Variants in ANKS1B observed in about 807,000 individuals in gnomAD.
The protein encoded by ANKS1B is ankyrin repeat and sterile alpha motif domain containing 1B.
In ANKS1B, 36 loss-of-function variants were observed where a neutral mutation model predicts 148.3. The ratio of observed to expected loss-of-function variants is 0.24; its 90% CI spans 0.19 to 0.32. ANKS1B has a LOEUF of 0.32. Among genes scored for constraint, ANKS1B ranks in the 10% least tolerant of loss-of-function variants. The pLI is 1.00. For synonymous variants in ANKS1B, 542 were observed against 560.8 expected, an observed-to-expected ratio of 0.97 and a Z score of 0.47; for missense variants, 1,157 against 1,542.6, an observed-to-expected ratio of 0.75 and a Z score of 4.19.
intron 11 of ANKS1B, among the ~76,000 whole-genome samples, chr12:99,403,682 G>A (rs1378929010): frequency 6.2e-5 from 9 of 144,812 alleles, no homozygotes; most frequent in Admixed American, 6.2e-4. Flanking sequence ...CCAACTGAAG[G>A]AACACTTATA....
At chr12:99,382,450 C>T (rs955939530) in intron 12 of ANKS1B, among the ~76,000 whole-genome samples, 2 of 152,024 alleles carry the variant, frequency 1.3e-5, no homozygotes, top group East Asian at 3.9e-4. Context: ...CACGTGTAAT[C>T]CCAGCACTTT....
chr12:99,761,250 C>G (rs553996827), intron 8 of ANKS1B, among the ~76,000 whole-genome samples: 1 of 151,446 alleles, frequency 6.6e-6, no homozygotes, highest in East Asian at 1.9e-4. Context: ...CACACACACA[C>G]ACACAAAAGA....
intron 19 of ANKS1B, among the ~76,000 whole-genome samples, chr12:98,810,696 T>A (rs973326098): frequency 6.6e-6 from 1 of 152,260 alleles, no homozygotes; most frequent in Non-Finnish European, 1.5e-5. Context: ...TTAGGTTGTT[T>A]TGGTTACTCC....
chr12:99,725,874 T>C (rs2058566814), intron 8 of ANKS1B, among the ~76,000 whole-genome samples: 2 of 152,248 alleles, frequency 1.3e-5, no homozygotes, highest in South Asian at 4.1e-4. Flanking sequence ...ACATGGAAAT[T>C]GAACAACCTG....
intron 8 of ANKS1B, among the ~76,000 whole-genome samples, chr12:99,727,033 AT>A: frequency 6.6e-6 from 1 of 152,062 alleles, no homozygotes; most frequent in Non-Finnish European, 1.5e-5. Context: ...AGCCAATATC[AT>A]ATTGAATGGG....
chr12:99,393,386 G>A (rs2094141708), intron 12 of ANKS1B, among the ~76,000 whole-genome samples: 1 of 152,190 alleles, frequency 6.6e-6, no homozygotes, highest in Admixed American at 6.5e-5. Context: ...GGGAGACTTT[G>A]GCAGCCAGGG....
intron 9 of ANKS1B, among the ~76,000 whole-genome samples, chr12:99,654,487 A>C (rs2098440530): frequency 6.6e-6 from 1 of 152,242 alleles, no homozygotes; most frequent in South Asian, 2.1e-4. Context: ...AACTCCTCTA[A>C]GAGTGTATGG....
At chr12:99,310,844 A>G (rs1362396589) in intron 12 of ANKS1B, among the ~76,000 whole-genome samples, 1 of 151,964 alleles carries the variant, frequency 6.6e-6, no homozygotes, top group African/African-American at 2.4e-5. Context: ...ACAAATATAA[A>G]CTCTATAGCC....
chr12:99,015,189 C>T (rs939619005), intron 17 of ANKS1B, among the ~76,000 whole-genome samples: 1 of 152,156 alleles, frequency 6.6e-6, no homozygotes, highest in African/African-American at 2.4e-5. Context: ...GAATATTATG[C>T]AGCCATATAA....
At chr12:99,017,849 G>A (rs967458707) in intron 17 of ANKS1B, among the ~76,000 whole-genome samples, 1 of 152,196 alleles carries the variant, frequency 6.6e-6, no homozygotes, top group Non-Finnish European at 1.5e-5. Flanking sequence ...AACTCGGGAA[G>A]CTGAGTTCAT....
At chr12:99,610,701 A>G (rs1335045607) in intron 9 of ANKS1B, among the ~76,000 whole-genome samples, 2 of 152,012 alleles carry the variant, frequency 1.3e-5, no homozygotes, top group African/African-American at 4.8e-5. Flanking sequence ...TTAAGAAATA[A>G]TTTTCTGAGC....
At chr12:99,904,115 T>A (rs1240270914) in intron 1 of ANKS1B, among the ~76,000 whole-genome samples, 1 of 152,196 alleles carries the variant, frequency 6.6e-6, no homozygotes, top group Non-Finnish European at 1.5e-5. Context: ...GTTGGATTTG[T>A]GTCTCTTATC....
chr12:99,331,283 G>T (rs990558085), intron 12 of ANKS1B, among the ~76,000 whole-genome samples: 2 of 151,786 alleles, frequency 1.3e-5, no homozygotes, highest in African/African-American at 4.8e-5. Flanking sequence ...CTCTAATATG[G>T]GGCTAGATAT....
chr12:98,743,474 T>TATC (rs1434982469), downstream of ANKS1B, among the ~76,000 whole-genome samples: 2 of 152,322 alleles, frequency 1.3e-5, no homozygotes, highest in African/African-American at 2.4e-5. Flanking sequence ...GTTATCAATG[T>TATC]ATCAATTTTC....
At chr12:99,282,461 A>T (rs1433489387) in intron 12 of ANKS1B, among the ~76,000 whole-genome samples, 1 of 152,156 alleles carries the variant, frequency 6.6e-6, no homozygotes, top group Non-Finnish European at 1.5e-5. Context: ...GAGAGATGTG[A>T]CATGTGTTTT....
At chr12:99,094,928 C>T (rs541264604) in intron 15 of ANKS1B, among the ~76,000 whole-genome samples, 3 of 151,706 alleles carry the variant, frequency 2.0e-5, no homozygotes, top group African/African-American at 4.8e-5. Context: ...AAGTTGAGCT[C>T]GACAATCAAA....
rs1603506595 is a variant in ANKS1B at position 99,962,694 on chromosome 12, A to T, written c.134+21410T>A. 2.0e-5 allele frequency among the ~76,000 whole-genome samples: 3 copies of T among 152,230 alleles called. No homozygotes were observed. In the Middle Eastern group the frequency reaches 0.01, roughly 518 times the overall value. ...GTGTAAAAGCTTCCTATTTCTCCAC[A>T]GTCTGGCCAGCATCTATTGTCTCTT... On this transcript the variant is annotated intron_variant, in intron 1 of 26. Coordinates refer to ENST00000683438, the MANE Select transcript of ANKS1B (RefSeq NM_001352186.2).
At chr12:99,055,111 AAGGG>A (rs2099968711) in intron 16 of ANKS1B, among the ~76,000 whole-genome samples, 2 of 152,162 alleles carry the variant, frequency 1.3e-5, no homozygotes, top group Non-Finnish European at 2.9e-5. Flanking sequence ...TAGGACCCAA[AAGGG>A]AGGCTCATAG....
At chr12:98,857,526 G>A (rs1328738775) in intron 17 of ANKS1B, among the ~76,000 whole-genome samples, 1 of 152,038 alleles carries the variant, frequency 6.6e-6, no homozygotes, top group Admixed American at 6.6e-5. Flanking sequence ...GAGTAGGTGA[G>A]TCTGGGTGTT....
Sources: allele counts gnomAD v4.1 joint callset (sites outside exome capture counted in the v4.1 genomes callset), GRCh38; gene constraint gnomAD v4.1.1; transcripts MANE v1.5; gene names NCBI Gene and HGNC (gene_info 2026-07-23, HGNC 2026-07-21).